Variants in PARD3B observed in about 807,000 individuals in gnomAD.
PARD3B encodes the protein partitioning defective 3 homolog B.
In PARD3B, 103 loss-of-function variants were observed where a neutral mutation model predicts 130.2. That is an observed-to-expected ratio of 0.79 (90% CI 0.67 to 0.93). The LOEUF (loss-of-function observed/expected upper bound fraction) is 0.93. Among genes scored for constraint, PARD3B ranks in the 40% least tolerant of loss-of-function variants. PARD3B has a pLI of 0.00. For synonymous variants in PARD3B, 583 were observed against 553.2 expected (o/e 1.05, Z -0.76); for missense variants, 1,609 against 1,499.2 (o/e 1.07, Z -1.21).
intron 1 of PARD3B, among the ~76,000 whole-genome samples, chr2:204,635,271 C>A (rs920945914): frequency 1.3e-5 from 2 of 152,040 alleles, no homozygotes. Flanking sequence ...CTCCTTGGAG[C>A]TTTGGTTTCT....
chr2:205,474,532 G>C (rs2048960748), intron 20 of PARD3B, among the ~76,000 whole-genome samples: 1 of 152,088 alleles, frequency 6.6e-6, no homozygotes, highest in Non-Finnish European at 1.5e-5. Context: ...CATGATAACT[G>C]TATCTTAATT....
intron 21 of PARD3B, among the ~76,000 whole-genome samples, chr2:205,535,386 T>A (rs1445065189): frequency 6.6e-6 from 1 of 152,152 alleles, no homozygotes; most frequent in African/African-American, 2.4e-5. Context: ...CATAGGACAT[T>A]TCAAAACTAA....
chr2:204,862,698 C>T (rs2045259731), intron 2 of PARD3B, among the ~76,000 whole-genome samples: 1 of 152,212 alleles, frequency 6.6e-6, no homozygotes, highest in Non-Finnish European at 1.5e-5. Flanking sequence ...ACCAGAGCCT[C>T]ACTTTTTCCA....
chr2:204,808,936 C>T (rs2042867755), intron 2 of PARD3B, among the ~76,000 whole-genome samples: 1 of 151,914 alleles, frequency 6.6e-6, no homozygotes, highest in Non-Finnish European at 1.5e-5. Context: ...CACAACCTCA[C>T]CAGCACCTAT....
intron 4 of PARD3B, among the ~76,000 whole-genome samples, chr2:205,071,839 G>A (rs1214030286): frequency 6.6e-6 from 1 of 151,456 alleles, no homozygotes; most frequent in East Asian, 1.9e-4. Context: ...TCTAATTGTT[G>A]GTACTCTCAC....
At chr2:204,622,340 C>T (rs755982865) in intron 1 of PARD3B, among the ~76,000 whole-genome samples, 4 of 152,154 alleles carry the variant, frequency 2.6e-5, no homozygotes, top group Non-Finnish European at 5.9e-5. Context: ...AGTGAGCCCT[C>T]TTCTCCCAAC....
rs1432238836 is a variant in PARD3B, at chr2:205,142,440, G to C, written c.1435-16282G>C. ...ACAATTTCAAAGAGGTATTGTGGCAGAGAAGTGTCAACAAAACATGTATGA... is the reference window on the plus strand; with the variant it reads ...ACAATTTCAAAGAGGTATTGTGGCACAGAAGTGTCAACAAAACATGTATGA... On this transcript the variant is annotated intron_variant, in intron 10 of 22. Transcript: ENST00000406610. This position sits in a 1 kb window ranked among gnomAD's most constrained non-coding sequence, Gnocchi z 4.3. Among the ~76,000 whole-genome samples the C allele has an allele frequency of 6.6e-6, 1 of 152,176 alleles. No homozygotes were observed. The highest frequency in any genetic ancestry group is 1.9e-4 in the East Asian group (1 of 5,202).
intron 2 of PARD3B, among the ~76,000 whole-genome samples, chr2:204,808,652 AG>A (rs1404844409): frequency 6.6e-6 from 1 of 152,140 alleles, no homozygotes; most frequent in Non-Finnish European, 1.5e-5. Context: ...ATTCCCACAA[AG>A]GACATGATCT....
At chr2:205,296,243 G>A (rs563155101) in intron 16 of PARD3B, among the ~76,000 whole-genome samples, 1 of 152,274 alleles carries the variant, frequency 6.6e-6, no homozygotes, top group South Asian at 2.1e-4. Context: ...TAATTAGCAG[G>A]GCAGGGAATG....
At chr2:204,667,224 G>A (rs1178488566) in intron 1 of PARD3B, among the ~76,000 whole-genome samples, 1 of 152,116 alleles carries the variant, frequency 6.6e-6, no homozygotes, top group Non-Finnish European at 1.5e-5. Context: ...ATAAAAGCAG[G>A]GGCTGTGTTC....
intron 13 of PARD3B, among the ~76,000 whole-genome samples, chr2:205,178,133 C>T (rs1417396945): frequency 1.1e-5 from 1 of 90,564 alleles, no homozygotes; most frequent in Non-Finnish European, 2.0e-5. Context: ...TGGCAAAATC[C>T]CATCTGTACT....
At chr2:205,327,557 G>T (rs2042977881) in intron 18 of PARD3B, among the ~76,000 whole-genome samples, 1 of 152,126 alleles carries the variant, frequency 6.6e-6, no homozygotes, top group Non-Finnish European at 1.5e-5. Context: ...CTTGCCCATG[G>T]GCAGATAGAT....
rs1201957183 is a variant in PARD3B at position 205,121,234 on chromosome 2, A to G, written c.807-357A>G. 6.6e-6 allele frequency among the ~76,000 whole-genome samples: 1 copy of G among 152,232 alleles called. No homozygotes were observed. On this transcript the variant is annotated intron_variant, in intron 7 of 22. Coordinates refer to ENST00000406610, the MANE Select transcript of PARD3B (RefSeq NM_001302769.2). This position sits in a 1 kb window ranked among gnomAD's most constrained non-coding sequence, Gnocchi z 5.0. ...TTCACTTTGGTAATCACTTCTGGTT[A>G]GATTTTCATCTTTAGAAACATGTAA...
chr2:205,256,756 A>G (rs2040103646), intron 16 of PARD3B, among the ~76,000 whole-genome samples: 1 of 152,156 alleles, frequency 6.6e-6, no homozygotes, highest in African/African-American at 2.4e-5. Flanking sequence ...GAAGAACCAC[A>G]GGAAAAGGGA....
intron 16 of PARD3B, chr2:205,293,417 C>T (rs896752642): frequency 6.6e-6 from 1 of 152,034 alleles, no homozygotes; most frequent in Non-Finnish European, 1.5e-5. Context: ...AAAATCACCG[C>T]AATGGTCTGT....
At chr2:204,582,278 C>G (rs1441732342) in intron 1 of PARD3B, among the ~76,000 whole-genome samples, 8 of 152,174 alleles carry the variant, frequency 5.3e-5, no homozygotes, top group Admixed American at 5.2e-4. Flanking sequence ...CTAGTTACAT[C>G]TTGCAAAGTG....
In PARD3B at chr2:205,292,326, A is replaced by C. The variant is rs1445336004; in HGVS notation, c.2186-8204A>C. Among the ~76,000 whole-genome samples, 5 of 152,130 alleles carry C rather than the reference A, an allele frequency of 3.3e-5. No individual in the cohort carries two copies. The highest frequency in any genetic ancestry group is 1.2e-4 in the African/African-American group (5 of 41,418). ...GTGAGGACACAATGAGAACACAGGCATCCATGGACCAGGAAGCAGGCCCTC... is the reference window on the plus strand; with the variant it reads ...GTGAGGACACAATGAGAACACAGGCCTCCATGGACCAGGAAGCAGGCCCTC... On this transcript the variant is annotated intron_variant, in intron 16 of 22. Transcript: ENST00000406610. The surrounding 1 kb of genome is among the most constrained non-coding windows in gnomAD (Gnocchi z 5.3).
intron 2 of PARD3B, among the ~76,000 whole-genome samples, chr2:204,754,493 A>G (rs956658872): frequency 6.6e-6 from 1 of 152,178 alleles, no homozygotes; most frequent in African/African-American, 2.4e-5. Flanking sequence ...AAGTATAATA[A>G]TAGAACCTGC....
intron 4 of PARD3B, among the ~76,000 whole-genome samples, chr2:205,094,698 C>A (rs1025171837): frequency 2.0e-5 from 3 of 152,142 alleles, no homozygotes; most frequent in African/African-American, 4.8e-5. Context: ...CTTGTGTTGG[C>A]ATGCGTGAAA....
Sources: gnomAD v4.1 joint callset for allele counts (sites outside exome capture counted in the v4.1 genomes callset) on GRCh38, gnomAD v4.1.1 for gene constraint, Gnocchi (gnomAD v3.1) non-coding constraint, MANE v1.5 for transcripts, NCBI Gene and HGNC (gene_info 2026-07-23, HGNC 2026-07-21) for gene names.